NPM3: variants seen among roughly 807,000 people sequenced by gnomAD.
The protein encoded by NPM3 is nucleophosmin/nucleoplasmin 3.
A neutral mutation model predicts 18.1 loss-of-function variants in NPM3; 12 were observed. That is an observed-to-expected ratio of 0.66 (90% CI 0.42 to 1.07). The LOEUF is 1.07. Among genes scored for constraint, NPM3 ranks in the 50% least tolerant of loss-of-function variants. NPM3 has a pLI of 0.00. For synonymous variants in NPM3, 116 were observed against 93.7 expected (o/e 1.24, Z -1.38); for missense variants, 274 against 232.1 (o/e 1.18, Z -1.17).
At chr10:101,781,520 T>TTCCC in exon 6 of NPM3, 5 of 311,808 alleles carry the variant, frequency 1.6e-5, no homozygotes, top group Non-Finnish European at 3.1e-5. Flanking sequence ...AAGACCCAAG[T>TTCCC]CCCTCCCACC....
intron 1 of NPM3, 140 bp downstream of exon 1, chr10:101,783,133 C>T: frequency 2.4e-6 from 2 of 820,792 alleles, no homozygotes; most frequent in South Asian, 1.7e-5. Flanking sequence ...TTTGGCTGTG[C>T]GTGCGAGGCC....
intron 4 of NPM3, 124 bp downstream of exon 4, chr10:101,782,134 G>A: frequency 5.3e-6 from 5 of 941,682 alleles, no homozygotes; most frequent in Non-Finnish European, 8.2e-6. Flanking sequence ...AGCGTGGAGG[G>A]CACACAGACC....
intron 4 of NPM3, 63 bp downstream of exon 4, chr10:101,782,195 G>C (rs2065146287): frequency 7.0e-7 from 1 of 1,422,866 alleles, no homozygotes; most frequent in Non-Finnish European, 9.8e-7. Flanking sequence ...GGAGTGCGGA[G>C]TGGGGGAAGC....
chr10:101,782,749 T>C (rs986832760), intron 2 of NPM3, 90 bp downstream of exon 2: 237 of 1,571,666 alleles, frequency 1.5e-4, no homozygotes, highest in Non-Finnish European at 1.9e-4. Context: ...TGAGGATGTG[T>C]CTCCAAGTAA....
At chr10:101,783,370 A>C in exon 1 of NPM3, 1 of 1,611,146 alleles carries the variant, frequency 6.2e-7, no homozygotes, top group South Asian at 1.1e-5. Context: ...ACGCTAAGGC[A>C]GCTGCAGTAC....
chr10:101,782,398 C>G, intron 3 of NPM3, 47 bp from the exon 4 acceptor site: 2 of 1,606,084 alleles, frequency 1.2e-6, no homozygotes, highest in Non-Finnish European at 1.7e-6. Flanking sequence ...CTAGCCCACC[C>G]CACACTGTAA....
At chr10:101,781,604 C>A in exon 6 of NPM3, 2 of 693,768 alleles carry the variant, frequency 2.9e-6, no homozygotes, top group Non-Finnish European at 2.2e-6. Flanking sequence ...GAACAGGGTG[C>A]ATGGCGGTGC....
intron 1 of NPM3, 102 bp from the exon 2 acceptor site, chr10:101,783,026 AT>A: frequency 9.5e-7 from 1 of 1,047,410 alleles, no homozygotes; most frequent in Non-Finnish European, 1.4e-6. Flanking sequence ...CGGACGGGTC[AT>A]TTACACGTCC....
chr10:101,781,629 T>C, exon 6 of NPM3: 3 of 1,227,996 alleles, frequency 2.4e-6, no homozygotes, highest in Non-Finnish European at 3.4e-6. Context: ...CACATGGAGC[T>C]GACCTGAAAA....
chr10:101,782,263 T>C, exon 4 of NPM3: 1 of 1,613,438 alleles, frequency 6.2e-7, no homozygotes. Context: ...CTCACCAATC[T>C]GGTGCCGCCC....
At chr10:101,781,430 C>A (rs542987268) in exon 6 of NPM3, 1 of 411,618 alleles carries the variant, frequency 2.4e-6, no homozygotes, top group East Asian at 4.5e-5. Context: ...TTCTCACAGG[C>A]AGGTGGGAAG....
exon 1 of NPM3, chr10:101,783,400 G>A (rs372572556): frequency 1.9e-6 from 3 of 1,577,120 alleles, no homozygotes; most frequent in Non-Finnish European, 2.6e-6. Flanking sequence ...TGCTGTAAGA[G>A]CCTTCTTCAA....
At chr10:101,781,621 C>T in exon 6 of NPM3, 3 of 1,158,940 alleles carry the variant, frequency 2.6e-6, no homozygotes, top group South Asian at 1.5e-5. Context: ...GTGCATGGCA[C>T]ATGGAGCTGA....
chr10:101,782,092 G>A (rs1239651013), intron 4 of NPM3, among the ~76,000 whole-genome samples, 166 bp downstream of exon 4: 2 of 152,118 alleles, frequency 1.3e-5, no homozygotes, highest in Admixed American at 6.5e-5. Flanking sequence ...TTGAGTAGAC[G>A]GAAAGGAGAG....
In NPM3 at chr10:101,782,489, AG is replaced by A. The variant is rs748660840; in HGVS notation, c.312del (p.Cys105AlafsTer16). ...GCTGGGGAACTCACCATGGGTTGGC[AG>A]GACAGCTTGAGGTTGGCCACAGGGA... On this transcript the variant is annotated frameshift_variant, in exon 3 of 6. Coordinates refer to ENST00000370110, the Ensembl canonical transcript of NPM3. LOFTEE classifies it high-confidence loss of function. 2 of 1,612,162 alleles carry A rather than the reference AG, an allele frequency of 1.2e-6. No individual in the cohort carries two copies. The highest frequency in any genetic ancestry group is 1.7e-6 in the Non-Finnish European group (2 of 1,179,036).
rs771001050 is a variant in NPM3 at position 101,781,604 on chromosome 10, C to T, written c.*38G>A. On this transcript the variant is annotated 3_prime_UTR_variant, in exon 6 of 6. Transcript: ENST00000370110. ...TTGAAACTTGTCAGGGAACAGGGTG[C>T]ATGGCGGTGCATGGCACATGGAGCT... The T allele has an allele frequency of 3.5e-4, 240 of 693,764 alleles. 1 individual carries two copies. Among genetic ancestry groups the T allele is most frequent in the Non-Finnish European group, 4.6e-4 (212 of 463,846 alleles). 43.0% of individuals were successfully genotyped at this position (693,764 alleles called of 1,614,324 possible). A position where few individuals can be genotyped will look rare whatever the true frequency, so the allele number is the denominator to read the frequency against.
exon 3 of NPM3, chr10:101,782,537 G>C: frequency 6.2e-7 from 1 of 1,613,992 alleles, no homozygotes; most frequent in South Asian, 1.1e-5. Flanking sequence ...TGATGGTCAT[G>C]GTTCCGGGCC....
At chr10:101,782,727 G>T in intron 2 of NPM3, 112 bp downstream of exon 2, 1 of 1,562,896 alleles carries the variant, frequency 6.4e-7, no homozygotes, top group Non-Finnish European at 8.7e-7. Context: ...CGCCCATGCC[G>T]GGGGGTTAGG....
At chr10:101,781,599 GGGTGCATGGC>G (rs1564635285) in exon 6 of NPM3, 14 of 618,092 alleles carry the variant, frequency 2.3e-5, no homozygotes, top group Non-Finnish European at 2.7e-5. Context: ...TCAGGGAACA[GGGTGCATGGC>G]GGTGCATGGC....
Sources: allele counts gnomAD v4.1 joint callset (sites outside exome capture counted in the v4.1 genomes callset), GRCh38; gene constraint gnomAD v4.1.1; transcripts MANE v1.5; gene names NCBI Gene and HGNC (gene_info 2026-07-23, HGNC 2026-07-21).